GALNT17: variants seen among roughly 807,000 people sequenced by gnomAD.
GALNT17 encodes polypeptide N-acetylgalactosaminyltransferase 17.
GALNT17 carries 29 observed loss-of-function variants against 63.7 expected under a neutral mutation model. That is an observed-to-expected ratio of 0.46 (90% CI 0.34 to 0.62). GALNT17 has a LOEUF of 0.62. Among genes scored for constraint, GALNT17 ranks in the 20% least tolerant of loss-of-function variants. The probability of loss-of-function intolerance (pLI) is 0.01; values close to 1 mark genes in which losing one functional copy is unlikely to be tolerated. For missense variants in GALNT17, 603 were observed against 799.6 expected (o/e 0.75, Z 2.97); for synonymous variants, 305 against 318.3 (o/e 0.96, Z 0.45).
At chr7:71,634,218 C>T (rs1479149379) in intron 6 of GALNT17, among the ~76,000 whole-genome samples, 2 of 152,094 alleles carry the variant, frequency 1.3e-5, no homozygotes, top group South Asian at 2.1e-4. Context: ...TCCTAAGGGC[C>T]GTGTGGAGCC....
intron 3 of GALNT17, among the ~76,000 whole-genome samples, chr7:71,413,373 A>T (rs1010234813): frequency 2.0e-5 from 3 of 148,338 alleles, no homozygotes; most frequent in Non-Finnish European, 3.0e-5. Flanking sequence ...TTTTTATTTT[A>T]TTTTTTTTTT....
At chr7:71,641,518 TG>T (rs1210344091) in intron 6 of GALNT17, among the ~76,000 whole-genome samples, 1 of 152,154 alleles carries the variant, frequency 6.6e-6, no homozygotes, top group Non-Finnish European at 1.5e-5. Flanking sequence ...GCCCACTTTC[TG>T]GCTCCTAGAC....
chr7:71,638,333 A>G (rs985812719), intron 6 of GALNT17, among the ~76,000 whole-genome samples: 4 of 152,164 alleles, frequency 2.6e-5, no homozygotes, highest in Non-Finnish European at 5.9e-5. Flanking sequence ...TCCTGTCACT[A>G]AGAACACCTA....
At chr7:71,542,231 G>C (rs1788903968) in intron 5 of GALNT17, among the ~76,000 whole-genome samples, 1 of 152,074 alleles carries the variant, frequency 6.6e-6, no homozygotes, top group South Asian at 2.1e-4. Flanking sequence ...ATGTAACACT[G>C]TCATGCTCTA....
intron 5 of GALNT17, among the ~76,000 whole-genome samples, chr7:71,432,692 G>A (rs1294832360): frequency 1.3e-5 from 2 of 152,236 alleles, no homozygotes; most frequent in Non-Finnish European, 2.9e-5. Flanking sequence ...AAGAGGTTGA[G>A]TGCGATGGCT....
intron 1 of GALNT17, among the ~76,000 whole-genome samples, chr7:71,293,212 A>G (rs947806227): frequency 5.3e-5 from 8 of 152,210 alleles, no homozygotes; most frequent in Non-Finnish European, 1.2e-4. Flanking sequence ...TCCTTTGGAT[A>G]TATATCTAAA....
Position 71,471,414 on chromosome 7 carries a change from A to AC in GALNT17, c.962+50310dup, listed in dbSNP as rs1491334186. Among the ~76,000 whole-genome samples the AC allele has an allele frequency of 2.6e-3, 392 of 147,976 alleles. 3 individuals are homozygous for AC. The highest frequency in any genetic ancestry group is 9.4e-3 in the African/African-American group (377 of 39,978). ...TTTTTTTTTCCAAAAAAAAAAAAAA[A>AC]CAAAAAAAACCAAAAACCATATTTG... is the stretch of plus-strand genomic sequence containing the variant. On this transcript the variant is annotated intron_variant, in intron 5 of 10. Coordinates refer to ENST00000333538, the MANE Select transcript of GALNT17 (RefSeq NM_022479.3).
At chr7:71,659,771 C>T (rs1006572171) in intron 6 of GALNT17, among the ~76,000 whole-genome samples, 2 of 152,200 alleles carry the variant, frequency 1.3e-5, no homozygotes, top group African/African-American at 4.8e-5. Flanking sequence ...TCTTTGAATA[C>T]AGTCCAGCAC....
chr7:71,451,833 A>C (rs1268476266), intron 5 of GALNT17, among the ~76,000 whole-genome samples: 3 of 152,196 alleles, frequency 2.0e-5, no homozygotes, highest in African/African-American at 7.2e-5. Context: ...TTTAAAAACC[A>C]AATCAATTTT....
At chr7:71,339,484 C>T (rs1241470266) in intron 2 of GALNT17, among the ~76,000 whole-genome samples, 5 of 152,028 alleles carry the variant, frequency 3.3e-5, no homozygotes, top group African/African-American at 1.2e-4. Flanking sequence ...GTCGGGAGTT[C>T]GAGACTAGCC....
intron 1 of GALNT17, among the ~76,000 whole-genome samples, chr7:71,149,802 TTTG>T (rs768786598): frequency 2.0e-5 from 3 of 152,212 alleles, no homozygotes; most frequent in Admixed American, 6.5e-5. Flanking sequence ...TCAGGCAAGT[TTTG>T]TTCCTTGACT....
At chr7:71,419,167 C>T (rs1786612717) in intron 4 of GALNT17, among the ~76,000 whole-genome samples, 1 of 152,192 alleles carries the variant, frequency 6.6e-6, no homozygotes, top group East Asian at 1.9e-4. Context: ...ATGGGCTGAA[C>T]TGAATGCTTC....
chr7:71,533,705 G>C (rs1465710437), intron 5 of GALNT17, among the ~76,000 whole-genome samples: 1 of 152,112 alleles, frequency 6.6e-6, no homozygotes, highest in Non-Finnish European at 1.5e-5. Context: ...ATACCTAGAG[G>C]TTTGGCCTAG....
At chr7:71,655,925 T>A (rs919701369) in intron 6 of GALNT17, among the ~76,000 whole-genome samples, 1 of 152,198 alleles carries the variant, frequency 6.6e-6, no homozygotes, top group Non-Finnish European at 1.5e-5. Flanking sequence ...TTTAACTTTC[T>A]CTGCCTGGCA....
chr7:71,219,707 G>C (rs1416205993), intron 1 of GALNT17, among the ~76,000 whole-genome samples: 1 of 152,080 alleles, frequency 6.6e-6, no homozygotes, highest in East Asian at 1.9e-4. Flanking sequence ...CTTGTGTTCT[G>C]CAAGGGGTCT....
At chr7:71,674,875 TC>T (rs1159967734) in intron 8 of GALNT17, among the ~76,000 whole-genome samples, 2 of 152,132 alleles carry the variant, frequency 1.3e-5, no homozygotes, top group Non-Finnish European at 2.9e-5. Flanking sequence ...TATCTCTGAA[TC>T]CTCGGAAGGG....
At chr7:71,176,948 G>T (rs185928400) in intron 1 of GALNT17, among the ~76,000 whole-genome samples, 355 of 152,316 alleles carry the variant, frequency 2.3e-3, no homozygotes, top group Non-Finnish European at 4.1e-3. Flanking sequence ...TTTGTCTCTA[G>T]AAGCGGAGAG....
At chr7:71,239,478 G>T (rs1419326010) in intron 1 of GALNT17, among the ~76,000 whole-genome samples, 1 of 152,116 alleles carries the variant, frequency 6.6e-6, no homozygotes, top group Non-Finnish European at 1.5e-5. Context: ...TCTTGAAAAA[G>T]AAATAAATAA....
chr7:71,486,334 AAATAATAATAATAATAAT>A lies in GALNT17; in HGVS notation c.962+65267_962+65284del, dbSNP rs68046826. Among the ~76,000 whole-genome samples the A allele has an allele frequency of 7.1e-3, 941 of 133,338 alleles. 14 individuals carry two copies. Among genetic ancestry groups the A allele is most frequent in the East Asian group, 0.048 (223 of 4,602 alleles). 87.5% of individuals were successfully genotyped at this position (133,338 alleles called of 152,430 possible). On this transcript the variant is annotated intron_variant, in intron 5 of 10. Coordinates refer to ENST00000333538, the MANE Select transcript of GALNT17 (RefSeq NM_022479.3). ...AGTGACAGGGCAAGAGCCTGTCTGAAAATAATAATAATAATAATAATAATAATAATAATAATAATAATA... is the reference window on the plus strand; with the variant it reads ...AGTGACAGGGCAAGAGCCTGTCTGAAAATAATAATAATAATAATAATAATA...
Sources: gnomAD v4.1 joint callset for allele counts (sites outside exome capture counted in the v4.1 genomes callset) on GRCh38, gnomAD v4.1.1 for gene constraint, MANE v1.5 for transcripts, NCBI Gene and HGNC (gene_info 2026-07-23, HGNC 2026-07-21) for gene names.